GALNTL6: variants seen among roughly 807,000 people sequenced by gnomAD.
GALNTL6 encodes the protein polypeptide N-acetylgalactosaminyltransferase like 6, also known as polypeptide N-acetylgalactosaminyltransferase-like 6.
Under a neutral mutation model 73.7 loss-of-function variants are expected in GALNTL6, and 46 were observed. The ratio of observed to expected loss-of-function variants is 0.62; its 90% CI spans 0.49 to 0.80. The LOEUF is 0.80. GALNTL6 is among the 30% of genes least tolerant of loss of function. The probability of loss-of-function intolerance (pLI) is 0.00; values close to 1 mark genes in which losing one functional copy is unlikely to be tolerated. For synonymous variants in GALNTL6, 259 were observed against 263.7 expected (o/e 0.98, Z 0.17); for missense variants, 604 against 755.0 (o/e 0.80, Z 2.34).
chr4:172,424,747 C>T (rs1731167228), intron 5 of GALNTL6, among the ~76,000 whole-genome samples: 1 of 152,054 alleles, frequency 6.6e-6, no homozygotes, highest in Non-Finnish European at 1.5e-5. Context: ...TTGGAAGTGA[C>T]ATATATCATT....
chr4:171,903,869 C>A (rs1242137411), intron 2 of GALNTL6, among the ~76,000 whole-genome samples: 1 of 152,136 alleles, frequency 6.6e-6, no homozygotes, highest in African/African-American at 2.4e-5. Context: ...GGCAGGCACC[C>A]CCCAGCAGGG....
chr4:172,153,578 A>C (rs1734163328), intron 2 of GALNTL6, among the ~76,000 whole-genome samples: 1 of 152,204 alleles, frequency 6.6e-6, no homozygotes, highest in Non-Finnish European at 1.5e-5. Context: ...TTTACATAAA[A>C]ACTATTATTA....
At chr4:172,061,120 A>G (rs1437897015) in intron 2 of GALNTL6, among the ~76,000 whole-genome samples, 1 of 152,164 alleles carries the variant, frequency 6.6e-6, no homozygotes, top group East Asian at 1.9e-4. Flanking sequence ...ACAAATTCAT[A>G]CAACTAGAAA....
intron 2 of GALNTL6, among the ~76,000 whole-genome samples, chr4:171,855,404 C>T (rs1447640023): frequency 3.9e-5 from 6 of 152,174 alleles, no homozygotes; most frequent in African/African-American, 7.2e-5. Context: ...GTTTCTTTCA[C>T]GTAGCAATAT....
chr4:171,899,271 T>G (rs1008910159), intron 2 of GALNTL6, among the ~76,000 whole-genome samples: 1 of 152,090 alleles, frequency 6.6e-6, no homozygotes, highest in Admixed American at 6.5e-5. Context: ...TTACCCCTAA[T>G]GACTAGTAGC....
chr4:172,009,740 C>T (rs186449746), intron 2 of GALNTL6, among the ~76,000 whole-genome samples: 10 of 152,122 alleles, frequency 6.6e-5, no homozygotes, highest in African/African-American at 1.7e-4. Context: ...TGGGCAGGCA[C>T]GTATGTGGCT....
chr4:172,887,971 A>G lies in GALNTL6; in HGVS notation c.1041+5064A>G, dbSNP rs543859062. Among the ~76,000 whole-genome samples, 70 of 152,294 alleles carry G rather than the reference A, an allele frequency of 4.6e-4. 1 individual carries two copies. The highest frequency in any genetic ancestry group is 1.3e-3 in the Admixed American group (20 of 15,292). Reference sequence around the variant, plus strand: ...AATTGGTGATGTTGAGCATGTATCAATATGTTTCTTGGCCACTTGTATGTC... The same window carrying G: ...AATTGGTGATGTTGAGCATGTATCAGTATGTTTCTTGGCCACTTGTATGTC... On this transcript the variant is annotated intron_variant, in intron 8 of 12. Transcript: ENST00000506823.
chr4:171,946,914 C>T (rs202230475), intron 2 of GALNTL6, among the ~76,000 whole-genome samples: 8 of 14,050 alleles, frequency 5.7e-4, no homozygotes, highest in African/African-American at 9.2e-4. Context: ...TACTAAGTTC[C>T]GGGGGGTACA....
chr4:172,739,582 A>G (rs1736682728), intron 5 of GALNTL6, among the ~76,000 whole-genome samples: 1 of 152,164 alleles, frequency 6.6e-6, no homozygotes, highest in South Asian at 2.1e-4. Context: ...TTCCAGAATA[A>G]TTTTTCCAAA....
chr4:171,958,418 A>G (rs1371418585), intron 2 of GALNTL6, among the ~76,000 whole-genome samples: 1 of 152,190 alleles, frequency 6.6e-6, no homozygotes, highest in Non-Finnish European at 1.5e-5. Flanking sequence ...TTGAAGGAAA[A>G]TGTTTACAAA....
At chr4:172,312,085 C>A (rs10015555) in intron 4 of GALNTL6, among the ~76,000 whole-genome samples, 2,703 of 152,212 alleles carry the variant, frequency 0.018, 86 homozygotes, top group African/African-American at 0.062. Context: ...GTTATTAGAG[C>A]TACCAGAACT....
At position 171,997,109 on chromosome 4, in the gene GALNTL6, G is replaced by A. The variant is rs148164680; in HGVS notation, c.138+182391G>A. 1.5e-3 allele frequency among the ~76,000 whole-genome samples: 235 copies of A among 152,174 alleles called. 1 individual carries two copies. The highest frequency in any genetic ancestry group is 2.8e-3 in the Non-Finnish European group (190 of 67,974). On this transcript the variant is annotated intron_variant, in intron 2 of 12. Transcript: ENST00000506823. ...CTTCAAGGAAAGGAGACTTGGAATA[G>A]GTCTTGTCTTCTTCATGTAAGTGTG...
At chr4:172,871,876 C>T (rs183084889) in intron 7 of GALNTL6, among the ~76,000 whole-genome samples, 73 of 152,014 alleles carry the variant, frequency 4.8e-4, no homozygotes, top group Non-Finnish European at 8.1e-4. Context: ...CTCCTCCTCC[C>T]GGGTTCAAGT....
At chr4:172,640,424 A>G (rs147898202) in intron 5 of GALNTL6, among the ~76,000 whole-genome samples, 166 of 152,266 alleles carry the variant, frequency 1.1e-3, no homozygotes, top group African/African-American at 3.8e-3. Flanking sequence ...AATGCCATTT[A>G]TATGGTATAT....
At chr4:172,688,471 T>C (rs2111250515) in intron 5 of GALNTL6, among the ~76,000 whole-genome samples, 1 of 152,358 alleles carries the variant, frequency 6.6e-6, no homozygotes, top group South Asian at 2.1e-4. Context: ...TGTCACCATT[T>C]GTGTTGCTTG....
chr4:171,817,668 A>G (rs1175139061), intron 2 of GALNTL6, among the ~76,000 whole-genome samples: 2 of 151,720 alleles, frequency 1.3e-5, no homozygotes. Flanking sequence ...CTAATATTTT[A>G]AAATCTTCTG....
At chr4:171,844,965 A>C (rs1049188835) in intron 2 of GALNTL6, among the ~76,000 whole-genome samples, 3 of 152,240 alleles carry the variant, frequency 2.0e-5, no homozygotes, top group African/African-American at 4.8e-5. Flanking sequence ...CAGGTTTGCT[A>C]GTCTCCAACC....
intron 2 of GALNTL6, among the ~76,000 whole-genome samples, chr4:172,220,326 A>T (rs993779390): frequency 6.6e-6 from 1 of 151,782 alleles, no homozygotes; most frequent in South Asian, 2.1e-4. Context: ...CTTGAATATA[A>T]TGTCCCTCAG....
chr4:172,316,103 T>G (rs1283195368), intron 4 of GALNTL6, among the ~76,000 whole-genome samples: 1 of 152,124 alleles, frequency 6.6e-6, no homozygotes, highest in African/African-American at 2.4e-5. Flanking sequence ...TAATCAAAAG[T>G]TATCACAAAT....
Sources: gnomAD v4.1 joint callset for allele counts (sites outside exome capture counted in the v4.1 genomes callset) on GRCh38, gnomAD v4.1.1 for gene constraint, MANE v1.5 for transcripts, NCBI Gene and HGNC (gene_info 2026-07-23, HGNC 2026-07-21) for gene names.